Variants in P2RX6 observed in about 807,000 individuals in gnomAD.
The protein encoded by P2RX6 is purinergic receptor P2X 6, also known as P2X purinoceptor 6.
In P2RX6, 62 loss-of-function variants were observed where a neutral mutation model predicts 54.2. That is an observed-to-expected ratio of 1.14 (90% CI 0.93 to 1.41). The LOEUF (loss-of-function observed/expected upper bound fraction) is 1.41, where lower values mean the gene tolerates loss of function less well. Among genes scored for constraint, P2RX6 ranks in the 40% most tolerant of loss-of-function variants. P2RX6 has a pLI of 0.00. For synonymous variants in P2RX6, 211 were observed against 231.9 expected (o/e 0.91, Z 0.82); for missense variants, 541 against 566.3 (o/e 0.96, Z 0.45).
At chr22:21,017,725 C>T (rs1244417486) in intron 2 of P2RX6, among the ~76,000 whole-genome samples, 1 of 152,130 alleles carries the variant, frequency 6.6e-6, no homozygotes, top group African/African-American at 2.4e-5. Context: ...TAAATACACA[C>T]ATACACATGC....
rs899193372 is a variant in P2RX6 at position 21,027,731 on chromosome 22, G to A, written c.*1114G>A. The A allele has an allele frequency of 6.6e-6, 1 of 152,374 alleles. No individual in the cohort carries two copies. Among genetic ancestry groups the A allele is most frequent in the Admixed American group, 6.5e-5 (1 of 15,284 alleles). The allele number at this position is 152,374 out of a possible 1,614,324, so 9.4% of individuals were successfully genotyped here. A position where few individuals can be genotyped will look rare whatever the true frequency, so the allele number is the denominator to read the frequency against. The stretch of plus-strand genomic sequence containing the variant: ...TTCCACTGTGGGTACCTGGTGATCA[G>A]GGCAAGCTGTGGAGGGCCAGGGGTG... On this transcript the variant is annotated 3_prime_UTR_variant, in exon 12 of 12. Transcript: ENST00000413302.
chr22:21,015,932 T>C lies in P2RX6; in HGVS notation c.165-10T>C. ...GGGACACACCACACTGCCCGACTTC[T>C]CCTCCCCAGGTGGGCTCTCCTCGCC... On this transcript the variant is annotated splice_polypyrimidine_tract_variant and intron_variant, in intron 1 of 11. Coordinates refer to ENST00000413302, the MANE Select transcript of P2RX6 (RefSeq NM_005446.5). 1 of 1,549,264 alleles carries C rather than the reference T, an allele frequency of 6.5e-7. No homozygotes were observed. Among genetic ancestry groups the C allele is most frequent in the Non-Finnish European group, 8.7e-7 (1 of 1,146,684 alleles).
rs369384786 is a variant in P2RX6, at chr22:21,023,082, G to A, written c.558-36G>A. 6 of 1,612,734 alleles carry A rather than the reference G, an allele frequency of 3.7e-6. No homozygotes were observed. In the African/African-American group the frequency reaches 8.0e-5, roughly 22 times the overall value. ...TACCCCAACTGGCGCAGGGCCCCAG[G>A]CCTGGCAGAGGCTGTCACCTCCCTT... On this transcript the variant is annotated intron_variant, in intron 5 of 11. Transcript: ENST00000413302.
chr22:21,009,911 A>G (rs1278072222), intron 1 of P2RX6: 1 of 152,334 alleles, frequency 6.6e-6, no homozygotes, highest in Non-Finnish European at 1.5e-5. Context: ...CTTTACTCAG[A>G]CACTTCTAGG....
At chr22:21,017,827 C>G in intron 2 of P2RX6, 162 bp from the exon 3 acceptor site, 1 of 696,488 alleles carries the variant, frequency 1.4e-6, no homozygotes, top group Admixed American at 2.0e-5. Context: ...ATGGCCAGAA[C>G]CACTGCCAGC....
At chr22:21,021,430 G>C (rs1332521839) in intron 3 of P2RX6, among the ~76,000 whole-genome samples, 1 of 152,190 alleles carries the variant, frequency 6.6e-6, no homozygotes, top group Non-Finnish European at 1.5e-5. Flanking sequence ...GGTGGTCACT[G>C]TGGGGTCTAG....
upstream of P2RX6, chr22:21,011,349 G>C (rs2147987608): frequency 1.3e-5 from 8 of 599,674 alleles, no homozygotes; most frequent in East Asian, 2.2e-4. Flanking sequence ...AGGAAGCTGA[G>C]CTTTCATGGC....
chr22:21,011,185 G>A (rs7287388), upstream of P2RX6, among the ~76,000 whole-genome samples: 37,890 of 147,618 alleles, frequency 0.26, 5,757 homozygotes, highest in African/African-American at 0.42. Context: ...ATACAGCAGC[G>A]CGCAATGAGA....
upstream of P2RX6, among the ~76,000 whole-genome samples, chr22:21,011,771 A>G (rs1925749563): frequency 6.6e-6 from 1 of 150,724 alleles, no homozygotes; most frequent in Non-Finnish European, 1.5e-5. Context: ...TCTGCCCCTG[A>G]CCTCCCCCTC....
At chr22:21,018,395 G>T (rs1230240866) in intron 3 of P2RX6, 2 of 366,294 alleles carry the variant, frequency 5.5e-6, no homozygotes, top group South Asian at 4.6e-5. Context: ...TCCCATCCTG[G>T]TCCTGCCTCT....
At chr22:21,015,511 AC>A (rs1240932398) in intron 1 of P2RX6, among the ~76,000 whole-genome samples, 173 bp downstream of exon 1, 2 of 152,038 alleles carry the variant, frequency 1.3e-5, no homozygotes, top group Non-Finnish European at 2.9e-5. Context: ...GAGAGCAAGA[AC>A]AAGCTGTGTG....
At chr22:21,021,411 G>A (rs1927383076) in intron 3 of P2RX6, among the ~76,000 whole-genome samples, 1 of 152,176 alleles carries the variant, frequency 6.6e-6, no homozygotes, top group South Asian at 2.1e-4. Flanking sequence ...AAGACGTGGG[G>A]GCCCCACTGG....
At chr22:21,017,897 A>C in intron 2 of P2RX6, 92 bp from the exon 3 acceptor site, 1 of 775,558 alleles carries the variant, frequency 1.3e-6, no homozygotes, top group Non-Finnish European at 2.3e-6. Flanking sequence ...TGATGGGGCC[A>C]ACATCCCTTC....
In P2RX6 at chr22:21,026,456, A is replaced by C. The variant is rs201964496; in HGVS notation, c.1165A>C (p.Arg389=). The C allele has an allele frequency of 6.2e-7, 1 of 1,604,008 alleles. No individual in the cohort carries two copies. The highest frequency in any genetic ancestry group is 2.3e-5 in the East Asian group (1 of 44,378). The change falls in exon 12 of 12, where the codon AGG becomes CGG. Residue 389 remains arginine (R), a synonymous_variant. Coordinates refer to ENST00000413302, the MANE Select transcript of P2RX6 (RefSeq NM_005446.5). The surrounding 1 kb of genome is among the most constrained non-coding windows in gnomAD (Gnocchi z 4.0). Reference sequence around the variant, plus strand: ...GAAAGCAACCGCCAACTCTGTGTGGAGGGAGCTGGCCCTTGCATCCCAAGC... The same window carrying C: ...GAAAGCAACCGCCAACTCTGTGTGGCGGGAGCTGGCCCTTGCATCCCAAGC... ...APKATANSVW[R]ELALASQARL... is the part of the protein sequence containing the mutation.
chr22:21,026,661 C>T lies in P2RX6; in HGVS notation c.*44C>T. 6.5e-7 allele frequency: 1 copy of T among 1,537,058 alleles called. No individual in the cohort carries two copies. The highest frequency in any genetic ancestry group is 8.8e-7 in the Non-Finnish European group (1 of 1,138,744). Reference sequence around the variant, plus strand: ...GAGTTGGGGGCTGGGAAGGGCGGGGCCCTGCCTGGGGATCTCAAGGATGAG... The same window carrying T: ...GAGTTGGGGGCTGGGAAGGGCGGGGTCCTGCCTGGGGATCTCAAGGATGAG... On this transcript the variant is annotated 3_prime_UTR_variant, in exon 12 of 12. Transcript: ENST00000413302. This position sits in a 1 kb window ranked among gnomAD's most constrained non-coding sequence, Gnocchi z 4.0.
rs139383315 is a variant in P2RX6, at chr22:21,018,033, A to G, written c.360A>G (p.Pro120=). 1.9e-6 allele frequency: 3 copies of G among 1,613,128 alleles called. No homozygotes were observed. In the African/African-American group the frequency reaches 4.0e-5, roughly 22 times the overall value. The change falls in exon 3 of 12, where the codon CCA becomes CCG. Residue 120 remains proline (P), a synonymous_variant. Transcript: ENST00000413302. ...FFLVTNFLVT[P]AQVQGRCPEH... is the part of the protein sequence containing the mutation. ...TGGTGACCAACTTCCTTGTGACGCCAGCCCAAGTTCAGGGCAGATGCCCAG... is the reference window on the plus strand; with the variant it reads ...TGGTGACCAACTTCCTTGTGACGCCGGCCCAAGTTCAGGGCAGATGCCCAG...
In P2RX6 at chr22:21,015,223, A is replaced by G. The variant is rs762174736; in HGVS notation, c.49A>G (p.Thr17Ala). The G allele has an allele frequency of 1.3e-6, 2 of 1,535,064 alleles. No homozygotes were observed. Among genetic ancestry groups the G allele is most frequent in the Non-Finnish European group, 1.7e-6 (2 of 1,151,766 alleles). Residue 17 changes from threonine to alanine, a missense_variant, in exon 1 of 12, where the codon ACG (threonine) becomes GCG (alanine). Coordinates refer to ENST00000413302, the MANE Select transcript of P2RX6 (RefSeq NM_005446.5). ...GAGSMGSPGA[T>A]TGWGLLDYKT... Reference sequence around the variant, plus strand: ...TGGCAGCATGGGCTCCCCAGGGGCTACGACAGGCTGGGGGCTTCTGGATTA... The same window carrying G: ...TGGCAGCATGGGCTCCCCAGGGGCTGCGACAGGCTGGGGGCTTCTGGATTA...
At chr22:21,015,614 C>T (rs1181334433) in intron 1 of P2RX6, among the ~76,000 whole-genome samples, 1 of 152,162 alleles carries the variant, frequency 6.6e-6, no homozygotes, top group Non-Finnish European at 1.5e-5. Flanking sequence ...TCTGTGAGAG[C>T]TGGAGCACTA....
At chr22:21,014,911 C>T (rs1014393212), upstream of P2RX6, 19 of 401,706 alleles carry the variant, frequency 4.7e-5, no homozygotes, top group Non-Finnish European at 8.3e-5. Context: ...ACCCTCCCAC[C>T]ACCTCCACTC....
Sources: allele counts gnomAD v4.1 joint callset (sites outside exome capture counted in the v4.1 genomes callset), GRCh38; gene constraint gnomAD v4.1.1; non-coding constraint Gnocchi (gnomAD v3.1); transcripts MANE v1.5; gene names NCBI Gene and HGNC (gene_info 2026-07-23, HGNC 2026-07-21).